Variants in UGT1A4 observed in about 807,000 individuals in gnomAD.
UGT1A4 encodes the protein UDP glucuronosyltransferase family 1 member A4, also known as UDP-glucuronosyltransferase 1A4.
In UGT1A4, 32 loss-of-function variants were observed where a neutral mutation model predicts 41.1. The ratio of observed to expected loss-of-function variants is 0.78; its 90% confidence interval spans 0.59 to 1.05. The LOEUF is 1.05. Among genes scored for constraint, UGT1A4 ranks in the 50% least tolerant of loss-of-function variants. UGT1A4 has a pLI of 0.00. For synonymous variants in UGT1A4, 283 were observed against 265.1 expected, an observed-to-expected ratio of 1.07 and a Z score of -0.66; for missense variants, 748 against 677.4, an observed-to-expected ratio of 1.10 and a Z score of -1.16.
At chr2:233,721,654 G>T in intron 1 of UGT1A4, 1 of 220,052 alleles carries the variant, frequency 4.5e-6, no homozygotes, top group Non-Finnish European at 9.3e-6. Context: ...GCAGTGGGGG[G>T]TCATGTAAGG....
intron 1 of UGT1A4, among the ~76,000 whole-genome samples, chr2:233,765,695 A>G (rs1698910486): frequency 6.9e-6 from 1 of 145,802 alleles, no homozygotes; most frequent in African/African-American, 2.7e-5. Flanking sequence ...CTTCAAGTAA[A>G]TAATAATAAT....
At chr2:233,735,161 A>C (rs139257330) in intron 1 of UGT1A4, among the ~76,000 whole-genome samples, 2,795 of 152,264 alleles carry the variant, frequency 0.018, 41 homozygotes, top group Non-Finnish European at 0.028. Context: ...GTCTCTGTGT[A>C]GGTCTCTAAG....
chr2:233,768,319 G>T lies in UGT1A4; in HGVS notation c.1187G>T (p.Gly396Val), dbSNP rs367897068. 5.0e-6 allele frequency: 8 copies of T among 1,614,044 alleles called. No homozygotes were observed. Among genetic ancestry groups the T allele is most frequent in the South Asian group, 1.1e-5 (1 of 91,084 alleles). The change falls in exon 4 of 5, where the codon GGT becomes GTT. Residue 396 changes from glycine to valine, a missense_variant. Gly to Val is a moderately radical substitution (Grantham distance 109, BLOSUM62 -3). Transcript: ENST00000373409. The stretch of plus-strand genomic sequence containing the variant: ...CCCATGGTGATGATGCCCTTGTTTG[G>T]TGATCAGATGGACAATGCAAAGCGC... ...GVPMVMMPLFGDQMDNAKRME... is the reference protein window; with the variant it reads ...GVPMVMMPLFVDQMDNAKRME...
At chr2:233,729,564 T>A in intron 1 of UGT1A4, 2 of 1,614,164 alleles carry the variant, frequency 1.2e-6, no homozygotes. Flanking sequence ...CTACTTCCTT[T>A]GATGTGGTTT....
chr2:233,748,696 G>A (rs1384133711), intron 1 of UGT1A4, among the ~76,000 whole-genome samples: 1 of 151,680 alleles, frequency 6.6e-6, no homozygotes, highest in Non-Finnish European at 1.5e-5. Context: ...GATTTTTCTG[G>A]TCAGGATTTG....
chr2:233,729,743 C>T (rs748913597), intron 1 of UGT1A4: 1 of 1,613,994 alleles, frequency 6.2e-7, no homozygotes, highest in Non-Finnish European at 8.5e-7. Context: ...GACCACATGA[C>T]ATTCATGCAA....
intron 1 of UGT1A4, among the ~76,000 whole-genome samples, chr2:233,740,331 G>GA (rs1691368430): frequency 6.6e-6 from 1 of 151,940 alleles, no homozygotes; most frequent in African/African-American, 2.4e-5. Context: ...CATTTATTGA[G>GA]AAAGTTGATG....
At chr2:233,747,112 G>A (rs896483290) in intron 1 of UGT1A4, 4 of 1,422,320 alleles carry the variant, frequency 2.8e-6, no homozygotes, top group African/African-American at 2.9e-5. Flanking sequence ...ATTACATGAT[G>A]ATTTGCTAAG....
At chr2:233,726,615 C>T (rs1260171777) in intron 1 of UGT1A4, among the ~76,000 whole-genome samples, 2 of 152,156 alleles carry the variant, frequency 1.3e-5, no homozygotes, top group Non-Finnish European at 2.9e-5. Flanking sequence ...CTGTCCTGCC[C>T]AGATACCCAG....
intron 1 of UGT1A4, among the ~76,000 whole-genome samples, chr2:233,752,728 G>C (rs546811491): frequency 1.3e-5 from 2 of 152,320 alleles, no homozygotes; most frequent in South Asian, 4.1e-4. Flanking sequence ...AACAGCTACA[G>C]AGAGAGACCC....
chr2:233,748,176 TG>T, intron 1 of UGT1A4: 1 of 1,583,506 alleles, frequency 6.3e-7, no homozygotes, highest in East Asian at 2.2e-5. Flanking sequence ...CTTATCTTTC[TG>T]GTGCTTTTAT....
In UGT1A4 at chr2:233,768,256, G is replaced by A; in HGVS notation, c.1124G>A (p.Gly375Asp). Residue 375 changes from glycine (G) to aspartate (D), a missense_variant, in exon 4 of 5, where the codon GGT (glycine) becomes GAT (aspartate). Coordinates refer to ENST00000373409, the MANE Select transcript of UGT1A4 (RefSeq NM_007120.3). ...ACCCGTGCCTTTATCACCCATGCTGGTTCCCATGGTGTTTATGAAAGCATA... is the reference window on the plus strand; with the variant it reads ...ACCCGTGCCTTTATCACCCATGCTGATTCCCATGGTGTTTATGAAAGCATA... ...PMTRAFITHA[G>D]SHGVYESICN... 5 of 1,614,130 alleles carry A rather than the reference G, an allele frequency of 3.1e-6. No individual in the cohort carries two copies. The highest frequency in any genetic ancestry group is 4.2e-6 in the Non-Finnish European group (5 of 1,180,030).
intron 1 of UGT1A4, among the ~76,000 whole-genome samples, chr2:233,761,829 G>C (rs1171169931): frequency 6.6e-6 from 1 of 152,178 alleles, no homozygotes; most frequent in Non-Finnish European, 1.5e-5. Context: ...CCTTCAGATG[G>C]AGCGTTAGGG....
At chr2:233,766,993 T>C in intron 1 of UGT1A4, 41 bp from the exon 2 acceptor site, 1 of 1,613,496 alleles carries the variant, frequency 6.2e-7, no homozygotes, top group South Asian at 1.1e-5. Context: ...CATCAAAGAA[T>C]ATGAGAAAAA....
rs974078775 is a variant in UGT1A4, at chr2:233,743,284, C to A, written c.867+23597C>A. 1.2e-4 allele frequency: 61 copies of A among 507,042 alleles called. 3 individuals are homozygous for A. The highest frequency in any genetic ancestry group is 1.0e-3 in the African/African-American group (49 of 48,728). 31.4% of individuals were successfully genotyped at this position (507,042 alleles called of 1,614,324 possible). A position where few individuals can be genotyped will look rare whatever the true frequency, so the allele number is the denominator to read the frequency against. On this transcript the variant is annotated intron_variant, in intron 1 of 4. Transcript: ENST00000373409. ...TTCCTCCACTTCCACCCTTTCTTGG[C>A]CATTCTCAATGATTCTCTTGGTGGT...
intron 1 of UGT1A4, among the ~76,000 whole-genome samples, chr2:233,727,386 G>A (rs1285965204): frequency 1.3e-5 from 2 of 152,076 alleles, no homozygotes; most frequent in Non-Finnish European, 2.9e-5. Context: ...GAGTACCACC[G>A]TCTTCCAAGA....
At chr2:233,744,266 A>G (rs1300904192) in intron 1 of UGT1A4, among the ~76,000 whole-genome samples, 1 of 151,778 alleles carries the variant, frequency 6.6e-6, no homozygotes, top group Admixed American at 6.5e-5. Flanking sequence ...GTTTTTCTTA[A>G]AGTAGGCTTT....
chr2:233,762,332 G>A (rs1219389656), intron 1 of UGT1A4, among the ~76,000 whole-genome samples: 1 of 152,156 alleles, frequency 6.6e-6, no homozygotes, highest in Non-Finnish European at 1.5e-5. Flanking sequence ...ATCCACAATA[G>A]CTCTTTTTAG....
intron 1 of UGT1A4, among the ~76,000 whole-genome samples, chr2:233,733,728 TG>T (rs1325830019): frequency 1.3e-5 from 2 of 152,260 alleles, no homozygotes; most frequent in Admixed American, 6.5e-5. Flanking sequence ...TGAGGATTTT[TG>T]CATCGATGTT....
Sources: gnomAD v4.1 joint callset for allele counts (sites outside exome capture counted in the v4.1 genomes callset) on GRCh38, gnomAD v4.1.1 for gene constraint, MANE v1.5 for transcripts, NCBI Gene and HGNC (gene_info 2026-07-23, HGNC 2026-07-21) for gene names.